PPM1L: variants seen among roughly 807,000 people sequenced by gnomAD.
PPM1L encodes the protein protein phosphatase, Mg2+/Mn2+ dependent 1L, also known as protein phosphatase 1L.
A neutral mutation model predicts 31.4 loss-of-function variants in PPM1L; 13 were observed. The observed-to-expected ratio is 0.41, with a 90% confidence interval of 0.27 to 0.66. The LOEUF is 0.66. Ranked by LOEUF, PPM1L falls within the 30% of genes least tolerant of loss-of-function variation. PPM1L has a pLI of 0.29. For missense variants in PPM1L, 326 were observed against 453.7 expected (o/e 0.72, Z 2.56); for synonymous variants, 184 against 175.4 (o/e 1.05, Z -0.39).
intron 1 of PPM1L, among the ~76,000 whole-genome samples, chr3:160,813,836 G>A (rs972176490): frequency 6.6e-5 from 10 of 152,146 alleles, no homozygotes; most frequent in Non-Finnish European, 1.2e-4. Context: ...ATTCAGAAGT[G>A]AAGTTGGTAC....
At chr3:160,868,761 AC>A (rs1459837296) in intron 1 of PPM1L, among the ~76,000 whole-genome samples, 2 of 152,240 alleles carry the variant, frequency 1.3e-5, no homozygotes, top group East Asian at 3.9e-4. Flanking sequence ...TGTATTTTAA[AC>A]AAAAAAACAC....
intron 3 of PPM1L, among the ~76,000 whole-genome samples, chr3:161,066,346 G>T (rs1427578691): frequency 2.0e-5 from 3 of 152,132 alleles, no homozygotes; most frequent in African/African-American, 7.2e-5. Context: ...TCTGAAATTG[G>T]CATGGGGGTG....
chr3:160,903,163 T>TTGTGTGTGTGTG (rs1713603478), intron 1 of PPM1L, among the ~76,000 whole-genome samples: 4 of 23,806 alleles, frequency 1.7e-4, no homozygotes, highest in Non-Finnish European at 3.5e-4. Flanking sequence ...ATAGAAGCAA[T>TTGTGTGTGTGTG]AGTGTGTGTG....
At chr3:160,900,584 G>A (rs550972807) in intron 1 of PPM1L, among the ~76,000 whole-genome samples, 33 of 151,676 alleles carry the variant, frequency 2.2e-4, no homozygotes, top group Non-Finnish European at 4.3e-4. Flanking sequence ...AATAATATGA[G>A]ATTTTATTTC....
At chr3:160,978,485 G>A (rs1716679546) in intron 2 of PPM1L, among the ~76,000 whole-genome samples, 1 of 152,138 alleles carries the variant, frequency 6.6e-6, no homozygotes, top group Non-Finnish European at 1.5e-5. Context: ...TAACTTCATA[G>A]CAAATGCATG....
chr3:160,786,320 C>T lies in PPM1L; in HGVS notation c.399+29613C>T, dbSNP rs964579943. On this transcript the variant is annotated intron_variant, in intron 1 of 3. Transcript: ENST00000498165. The stretch of plus-strand genomic sequence containing the variant: ...GCAACCTCTGCCTCTCGAGTTCAAG[C>T]GATTCTTGTGCCTCAGCCTCCCAAG... Among the ~76,000 whole-genome samples, 33 of 145,140 alleles carry T rather than the reference C, an allele frequency of 2.3e-4. No homozygotes were observed. The East Asian group carries it at 3.5e-3, about 15-fold the overall frequency.
intron 2 of PPM1L, among the ~76,000 whole-genome samples, chr3:161,030,974 C>T (rs1329342643): frequency 6.6e-6 from 1 of 152,154 alleles, no homozygotes; most frequent in Admixed American, 6.5e-5. Context: ...GACAAATGGA[C>T]TTGATCTCAA....
At chr3:161,032,692 C>CT (rs35384021) in intron 2 of PPM1L, among the ~76,000 whole-genome samples, 17,796 of 139,264 alleles carry the variant, frequency 0.13, 1,255 homozygotes, top group South Asian at 0.27. Context: ...CAGAGAAGTC[C>CT]TTTTTTTTTT....
chr3:160,918,690 G>T (rs1714275589), intron 1 of PPM1L, among the ~76,000 whole-genome samples: 1 of 151,986 alleles, frequency 6.6e-6, no homozygotes, highest in Admixed American at 6.6e-5. Flanking sequence ...AAATACTTTT[G>T]CAAGTGATAC....
intron 1 of PPM1L, among the ~76,000 whole-genome samples, chr3:160,783,098 G>C (rs541431921): frequency 6.5e-4 from 99 of 152,304 alleles, no homozygotes; most frequent in African/African-American, 2.3e-3. Context: ...TATCATCAAA[G>C]AAGGCCACAA....
rs536267455 is a variant in PPM1L, at chr3:160,830,917, G to T, written c.399+74210G>T. On this transcript the variant is annotated intron_variant, in intron 1 of 3. Transcript: ENST00000498165. ...CTTTCTAATTGTCCACTTTAGCACAGATTGTAAATCAGCAAAAACATTTTC... is the reference window on the plus strand; with the variant it reads ...CTTTCTAATTGTCCACTTTAGCACATATTGTAAATCAGCAAAAACATTTTC... Among the ~76,000 whole-genome samples, 6 of 152,292 alleles carry T rather than the reference G, an allele frequency of 3.9e-5. No individual in the cohort carries two copies. In the East Asian group the frequency reaches 1.2e-3, roughly 29 times the overall value.
intron 2 of PPM1L, among the ~76,000 whole-genome samples, chr3:161,017,023 C>T (rs1718106580): frequency 1.3e-5 from 2 of 151,826 alleles, no homozygotes; most frequent in Admixed American, 1.3e-4. Flanking sequence ...CATGAAAGAG[C>T]CAATTTGAAA....
intron 1 of PPM1L, among the ~76,000 whole-genome samples, chr3:160,778,867 T>C (rs1241123277): frequency 1.3e-5 from 2 of 152,148 alleles, no homozygotes; most frequent in African/African-American, 2.4e-5. Flanking sequence ...GCCCAGAAGC[T>C]CTCTCAAACT....
intron 1 of PPM1L, among the ~76,000 whole-genome samples, chr3:160,932,599 C>T (rs945217970): frequency 1.3e-5 from 2 of 152,002 alleles, no homozygotes; most frequent in Non-Finnish European, 2.9e-5. Context: ...TTATTATTGC[C>T]ATTTGTCTGT....
At chr3:160,997,118 GGA>G (rs912584938) in intron 2 of PPM1L, among the ~76,000 whole-genome samples, 5 of 152,108 alleles carry the variant, frequency 3.3e-5, no homozygotes, top group African/African-American at 4.8e-5. Flanking sequence ...GGTAGTGGTT[GGA>G]GAGAGAGATT....
chr3:160,765,464 A>G (rs1299129984), intron 1 of PPM1L, among the ~76,000 whole-genome samples: 1 of 152,214 alleles, frequency 6.6e-6, no homozygotes, highest in Admixed American at 6.5e-5. Flanking sequence ...TGAAAACCCT[A>G]TGCTGCTAAC....
Position 160,979,520 on chromosome 3 carries a change from A to AT in PPM1L, c.574+17621dup, listed in dbSNP as rs537590221. On this transcript the variant is annotated intron_variant, in intron 2 of 3. Coordinates refer to ENST00000498165, the MANE Select transcript of PPM1L (RefSeq NM_139245.4). Reference sequence around the variant, plus strand: ...GGACAGTGGCCCCAGCCAGGAAACAATTTTTTTTTTTACATCAATATTCTA... The same window carrying AT: ...GGACAGTGGCCCCAGCCAGGAAACAATTTTTTTTTTTTACATCAATATTCTA... Among the ~76,000 whole-genome samples the AT allele has an allele frequency of 1.1e-3, 165 of 148,920 alleles. 3 individuals carry two copies. The highest frequency in any genetic ancestry group is 1.5e-3 in the Non-Finnish European group (98 of 66,942).
intron 2 of PPM1L, among the ~76,000 whole-genome samples, chr3:161,026,807 G>A (rs1276808361): frequency 2.0e-5 from 3 of 151,036 alleles, no homozygotes; most frequent in Non-Finnish European, 4.4e-5. Context: ...CAAGGAACAA[G>A]GTAATGGGTG....
chr3:160,822,413 A>G (rs1460676135), intron 1 of PPM1L, among the ~76,000 whole-genome samples: 1 of 152,098 alleles, frequency 6.6e-6, no homozygotes, highest in African/African-American at 2.4e-5. Context: ...CCTTGAAGAA[A>G]AAGTTCCTAA....
Sources: allele counts gnomAD v4.1 joint callset (sites outside exome capture counted in the v4.1 genomes callset), GRCh38; gene constraint gnomAD v4.1.1; transcripts MANE v1.5; gene names NCBI Gene and HGNC (gene_info 2026-07-23, HGNC 2026-07-21).